The following CCDC7 variants were observed in gnomAD, a reference collection of about 807,000 sequenced individuals.
The protein encoded by CCDC7 is coiled-coil domain-containing protein 7.
In CCDC7, 183 loss-of-function variants were observed where a neutral mutation model predicts 196.9. The ratio of observed to expected loss-of-function variants is 0.93; its 90% CI spans 0.82 to 1.05. The LOEUF (loss-of-function observed/expected upper bound fraction) is 1.05, where lower values mean the gene tolerates loss of function less well. CCDC7 is among the 50% of genes least tolerant of loss of function. The pLI, the probability that CCDC7 is intolerant of heterozygous loss-of-function variation, is 0.00. For missense variants in CCDC7, 1,540 were observed against 1,482.2 expected, an observed-to-expected ratio of 1.04 and a Z score of -0.64; for synonymous variants, 525 against 484.6, an observed-to-expected ratio of 1.08 and a Z score of -1.10.
chr10:32,491,477 TCCTTCCCATAGA>T (rs947626810), intron 8 of CCDC7, among the ~76,000 whole-genome samples: 4 of 152,196 alleles, frequency 2.6e-5, no homozygotes, highest in African/African-American at 9.6e-5. Context: ...GTTAGCTAGA[TCCTTCCCATAGA>T]CCTTATTGAC....
intron 23 of CCDC7, among the ~76,000 whole-genome samples, chr10:32,691,242 A>G (rs372043182): frequency 3.9e-4 from 60 of 152,116 alleles, no homozygotes; most frequent in African/African-American, 1.4e-3. Flanking sequence ...CACTTTTATT[A>G]GTCATGGGGT....
At chr10:32,873,592 A>T (rs888573332) in intron 41 of CCDC7, among the ~76,000 whole-genome samples, 8 of 151,834 alleles carry the variant, frequency 5.3e-5, no homozygotes, top group Non-Finnish European at 8.8e-5. Flanking sequence ...CTTTTAATGG[A>T]ATAGTCTGTA....
At chr10:32,784,423 T>C (rs1368233450) in intron 29 of CCDC7, among the ~76,000 whole-genome samples, 3 of 152,092 alleles carry the variant, frequency 2.0e-5, no homozygotes, top group Non-Finnish European at 4.4e-5. Context: ...TTCCCCTCCC[T>C]GTGTCCATGT....
intron 20 of CCDC7, among the ~76,000 whole-genome samples, chr10:32,656,498 T>G (rs773551997): frequency 6.6e-6 from 1 of 152,146 alleles, no homozygotes; most frequent in Non-Finnish European, 1.5e-5. Flanking sequence ...ACATCCTTCT[T>G]CACAAGGCAG....
Position 32,544,313 on chromosome 10 carries a change from ACTCT to A in CCDC7, c.1134+17_1134+20del, listed in dbSNP as rs766659166. On this transcript the variant is annotated intron_variant, in intron 13 of 41. Transcript: ENST00000639629. ...TGGATCAAGTACAGGTAACACACCC[ACTCT>A]CTCTATGCATCAATATTTGATTAAT... The A allele has an allele frequency of 4.6e-5, 74 of 1,604,986 alleles. No individual in the cohort carries two copies. In the African/African-American group the frequency reaches 9.5e-4, roughly 21 times the overall value.
chr10:32,692,404 G>A (rs552478532), intron 23 of CCDC7, among the ~76,000 whole-genome samples: 47 of 152,338 alleles, frequency 3.1e-4, no homozygotes, highest in African/African-American at 1.1e-3. Context: ...AAAAGCTCAT[G>A]TAAATAATAC....
chr10:32,585,335 A>T (rs1051230260), intron 18 of CCDC7, among the ~76,000 whole-genome samples: 29 of 152,292 alleles, frequency 1.9e-4, no homozygotes, highest in Admixed American at 1.7e-3. Context: ...GGCCTCCCAA[A>T]GTGCTGGGAT....
chr10:32,866,601 A>G (rs910678482), intron 41 of CCDC7, among the ~76,000 whole-genome samples: 1 of 151,668 alleles, frequency 6.6e-6, no homozygotes, highest in African/African-American at 2.4e-5. Context: ...CTCATATGAA[A>G]TTAAAAGAAG....
intron 38 of CCDC7, 109 bp downstream of exon 39, chr10:32,848,025 G>A: frequency 5.2e-6 from 3 of 580,520 alleles, no homozygotes; most frequent in Admixed American, 3.6e-5. Flanking sequence ...ATGGGCAAAT[G>A]TCTTCATGAA....
chr10:32,705,171 C>G (rs1400625117), intron 24 of CCDC7, among the ~76,000 whole-genome samples: 1 of 152,136 alleles, frequency 6.6e-6, no homozygotes, highest in Non-Finnish European at 1.5e-5. Context: ...ATTAAACATT[C>G]TTATAGAAAA....
chr10:32,775,515 G>A (rs929362101), intron 28 of CCDC7, among the ~76,000 whole-genome samples: 6 of 152,206 alleles, frequency 3.9e-5, no homozygotes, highest in East Asian at 3.9e-4. Context: ...GAAAAAAACC[G>A]TAATGCTCTA....
At chr10:32,626,358 G>A (rs990710565) in intron 18 of CCDC7, among the ~76,000 whole-genome samples, 8 of 151,784 alleles carry the variant, frequency 5.3e-5, no homozygotes, top group Admixed American at 3.9e-4. Context: ...CCATTTTTGT[G>A]TCTTCTTTTG....
chr10:32,763,139 T>C (rs2077715331), intron 28 of CCDC7, among the ~76,000 whole-genome samples: 1 of 152,010 alleles, frequency 6.6e-6, no homozygotes, highest in Admixed American at 6.6e-5. Flanking sequence ...ATTCAAAATA[T>C]GTAAGGAACT....
Position 32,452,029 on chromosome 10 carries a change from A to C in CCDC7, c.279+108A>C, listed in dbSNP as rs2133359584. 4 of 1,396,786 alleles carry C rather than the reference A, an allele frequency of 2.9e-6. No homozygotes were observed. The African/African-American group carries it at 5.8e-5, about 20-fold the overall frequency. The allele number at this position is 1,396,786 out of a possible 1,614,324, so 86.5% of individuals were successfully genotyped here. A position where few individuals can be genotyped will look rare whatever the true frequency, so the allele number is the denominator to read the frequency against. On this transcript the variant is annotated intron_variant, in intron 1 of 41. Coordinates refer to ENST00000639629, the Ensembl canonical transcript of CCDC7. ...TCCACATATAGTCATACCGATGGCTAAGATTTATTACAGTAGGCACATGAG... is the reference window on the plus strand; with the variant it reads ...TCCACATATAGTCATACCGATGGCTCAGATTTATTACAGTAGGCACATGAG...
intron 4 of CCDC7, 117 bp from the exon 6 acceptor site, chr10:32,462,900 A>G: frequency 3.4e-6 from 5 of 1,479,420 alleles, no homozygotes; most frequent in Non-Finnish European, 4.6e-6. Flanking sequence ...GTCAGGGCTG[A>G]TATTTGATGG....
intron 24 of CCDC7, among the ~76,000 whole-genome samples, chr10:32,698,303 G>T (rs1279775073): frequency 5.3e-5 from 8 of 152,196 alleles, no homozygotes; most frequent in African/African-American, 1.9e-4. Flanking sequence ...TCCTCCAAAG[G>T]ATCGCAGGTC....
chr10:32,837,990 G>C (rs577440650), intron 33 of CCDC7, among the ~76,000 whole-genome samples: 139 of 151,572 alleles, frequency 9.2e-4, no homozygotes, highest in Non-Finnish European at 1.8e-3. Flanking sequence ...TGAGTTAATG[G>C]GTGCAGCACA....
At chr10:32,522,862 CATT>C (rs1285152643) in intron 11 of CCDC7, among the ~76,000 whole-genome samples, 1 of 151,954 alleles carries the variant, frequency 6.6e-6, no homozygotes, top group Non-Finnish European at 1.5e-5. Flanking sequence ...ATTGTGTTTT[CATT>C]ATTATTTCTT....
chr10:32,837,368 CAAT>C (rs760843373), intron 33 of CCDC7, among the ~76,000 whole-genome samples: 21 of 152,182 alleles, frequency 1.4e-4, no homozygotes, highest in Non-Finnish European at 2.5e-4. Context: ...ATCAAAACCA[CAAT>C]GAGATACCAT....
Sources: gnomAD v4.1 joint callset for allele counts (sites outside exome capture counted in the v4.1 genomes callset) on GRCh38, gnomAD v4.1.1 for gene constraint, MANE v1.5 for transcripts, NCBI Gene and HGNC (gene_info 2026-07-23, HGNC 2026-07-21) for gene names.